GRM7: variants seen among roughly 807,000 people sequenced by gnomAD.
GRM7 encodes metabotropic glutamate receptor 7.
Under a neutral mutation model 84.5 loss-of-function variants are expected in GRM7, and 35 were observed. The ratio of observed to expected loss-of-function variants is 0.41; its 90% CI spans 0.32 to 0.55. GRM7 has a LOEUF of 0.55. Ranked by LOEUF, GRM7 falls within the 20% of genes least tolerant of loss-of-function variation. The probability of loss-of-function intolerance (pLI) is 0.19; values close to 1 mark genes in which losing one functional copy is unlikely to be tolerated. For missense variants in GRM7, 1,003 were observed against 1,194.6 expected (o/e 0.84, Z 2.36); for synonymous variants, 487 against 455.1 (o/e 1.07, Z -0.89).
intron 1 of GRM7, among the ~76,000 whole-genome samples, chr3:7,090,136 C>T (rs995449287): frequency 6.6e-6 from 1 of 152,000 alleles, no homozygotes; most frequent in African/African-American, 2.4e-5. Context: ...AGCCACCGTG[C>T]CCAGCCTTAA....
chr3:7,558,096 G>T (rs1020609848), intron 7 of GRM7, among the ~76,000 whole-genome samples: 1 of 141,270 alleles, frequency 7.1e-6, no homozygotes, highest in Admixed American at 6.8e-5. Context: ...TGTTTGCAAG[G>T]ATGTAAAGGA....
At chr3:7,409,640 G>A (rs142648326) in intron 4 of GRM7, among the ~76,000 whole-genome samples, 3,807 of 152,038 alleles carry the variant, frequency 0.025, 115 homozygotes, top group African/African-American at 0.07. Context: ...CCGCTCTGTC[G>A]CCCAGGCTGG....
intron 1 of GRM7, among the ~76,000 whole-genome samples, chr3:7,117,285 C>A (rs993204532): frequency 6.6e-6 from 1 of 152,168 alleles, no homozygotes; most frequent in Non-Finnish European, 1.5e-5. Context: ...TCAAGATACC[C>A]AATCTTTTTC....
chr3:7,336,123 A>G (rs1298818732), intron 4 of GRM7, among the ~76,000 whole-genome samples: 2 of 152,094 alleles, frequency 1.3e-5, no homozygotes, highest in African/African-American at 4.8e-5. Context: ...TCCCTGATGA[A>G]GATAGATGCA....
At chr3:7,032,153 C>G (rs143541593) in intron 1 of GRM7, among the ~76,000 whole-genome samples, 1 of 152,310 alleles carries the variant, frequency 6.6e-6, no homozygotes, top group East Asian at 1.9e-4. Flanking sequence ...GAACAACATG[C>G]TCTTATACTT....
chr3:6,962,767 A>G (rs1693351078), intron 1 of GRM7, among the ~76,000 whole-genome samples: 1 of 152,228 alleles, frequency 6.6e-6, no homozygotes, highest in African/African-American at 2.4e-5. Context: ...TGTGAATTTT[A>G]CCACCAAAGC....
rs1559520012 is a variant in GRM7, at chr3:7,238,997, C to CTTTTTTTTTTTTTTTTTTTTTTTTT, written c.737-59682_737-59681insTTTTTTTTTTTTTTTTTTTTTTTTT. On this transcript the variant is annotated intron_variant, in intron 2 of 9. Coordinates refer to ENST00000357716, the MANE Select transcript of GRM7 (RefSeq NM_000844.4). Reference sequence around the variant, plus strand: ...TCTTTTCCCTTTCTTTTCTTTTTTCCTTTTTCTTTTTTTTGACATGGTCTC... The same window carrying CTTTTTTTTTTTTTTTTTTTTTTTTT: ...TCTTTTCCCTTTCTTTTCTTTTTTCCTTTTTTTTTTTTTTTTTTTTTTTTTTTTTTCTTTTTTTTGACATGGTCTC... Among the ~76,000 whole-genome samples, 2 of 137,618 alleles carry CTTTTTTTTTTTTTTTTTTTTTTTTT rather than the reference C, an allele frequency of 1.5e-5. 1 individual carries two copies. Among genetic ancestry groups the CTTTTTTTTTTTTTTTTTTTTTTTTT allele is most frequent in the African/African-American group, 5.3e-5 (2 of 37,440 alleles). 90.3% of individuals were successfully genotyped at this position (137,618 alleles called of 152,430 possible). A position where few individuals can be genotyped will look rare whatever the true frequency, so the allele number is the denominator to read the frequency against.
chr3:7,595,709 G>A (rs542954642), intron 8 of GRM7, among the ~76,000 whole-genome samples: 1 of 152,152 alleles, frequency 6.6e-6, no homozygotes, highest in African/African-American at 2.4e-5. Context: ...GGTGGGGGTA[G>A]GGAAGAGTGC....
chr3:6,946,960 G>A (rs1181424715), intron 1 of GRM7, among the ~76,000 whole-genome samples: 7 of 152,116 alleles, frequency 4.6e-5, no homozygotes, highest in Admixed American at 6.6e-5. Context: ...GGGCTGAGAG[G>A]ATGGGGTTTT....
chr3:7,581,049 C>T (rs997127840), intron 8 of GRM7, among the ~76,000 whole-genome samples: 3 of 152,014 alleles, frequency 2.0e-5, no homozygotes, highest in Non-Finnish European at 4.4e-5. Context: ...AAACCTTTCC[C>T]GTAAGTTTAT....
At chr3:7,039,032 A>G (rs531719013) in intron 1 of GRM7, among the ~76,000 whole-genome samples, 5 of 152,326 alleles carry the variant, frequency 3.3e-5, no homozygotes, top group Non-Finnish European at 7.4e-5. Flanking sequence ...CTATGGTTCA[A>G]TAAGTTCTTC....
rs1019051534 is a variant in GRM7, at chr3:7,151,924, T to C, written c.736+5256T>C. On this transcript the variant is annotated intron_variant, in intron 2 of 9. Transcript: ENST00000357716. This position sits in a 1 kb window ranked among gnomAD's most constrained non-coding sequence, Gnocchi z 4.5. ...TCTATATTGAATTCTGTTTTTTTTT[T>C]CTTTCTGTCTATGTCATGGTGATTA... Among the ~76,000 whole-genome samples, 3 of 150,568 alleles carry C rather than the reference T, an allele frequency of 2.0e-5. No individual in the cohort carries two copies. Among genetic ancestry groups the C allele is most frequent in the African/African-American group, 7.4e-5 (3 of 40,476 alleles).
chr3:7,048,604 T>C (rs1403683629), intron 1 of GRM7, among the ~76,000 whole-genome samples: 9 of 151,980 alleles, frequency 5.9e-5, no homozygotes, highest in Non-Finnish European at 1.5e-5. Flanking sequence ...TTATTTTTAA[T>C]TGACAAGAAT....
At chr3:6,914,673 T>G (rs1696883340) in intron 1 of GRM7, among the ~76,000 whole-genome samples, 2 of 150,962 alleles carry the variant, frequency 1.3e-5, no homozygotes, top group African/African-American at 2.5e-5. Context: ...AGTACTGAGA[T>G]TACAGGTGTG....
At chr3:7,665,312 C>CA (rs1433206808) in intron 8 of GRM7, among the ~76,000 whole-genome samples, 1 of 151,796 alleles carries the variant, frequency 6.6e-6, no homozygotes, top group Admixed American at 6.6e-5. Flanking sequence ...GCTGGGACTA[C>CA]AGGTGCCCGC....
intron 8 of GRM7, among the ~76,000 whole-genome samples, chr3:7,656,485 G>GACTC (rs1404883673): frequency 2.6e-4 from 38 of 148,112 alleles, no homozygotes; most frequent in Middle Eastern, 3.5e-3. Context: ...GACAGAGCAA[G>GACTC]ACTCTGTCTC....
At chr3:7,535,948 A>C (rs948157703) in intron 7 of GRM7, among the ~76,000 whole-genome samples, 3 of 152,176 alleles carry the variant, frequency 2.0e-5, no homozygotes, top group African/African-American at 7.2e-5. Flanking sequence ...GTGGGAAGTA[A>C]CTTCAAAACA....
chr3:7,039,155 CTCAAACAACCTAGCTGAGCTTGCTGTT>C (rs1574822578), intron 1 of GRM7, among the ~76,000 whole-genome samples: 1 of 152,138 alleles, frequency 6.6e-6, no homozygotes, highest in East Asian at 1.9e-4. Context: ...AGAAAATGAT[CTCAAACAACCTAGCTGAGCTTGCTGTT>C]TCTTACAAGC....
chr3:6,897,902 GTGGGGGCC>G (rs1559315362), intron 1 of GRM7, among the ~76,000 whole-genome samples: 1 of 152,150 alleles, frequency 6.6e-6, no homozygotes, highest in African/African-American at 2.4e-5. Context: ...CTGCTGGAGA[GTGGGGGCC>G]TCCCCATAGA....
Sources: gnomAD v4.1 joint callset for allele counts (sites outside exome capture counted in the v4.1 genomes callset) on GRCh38, gnomAD v4.1.1 for gene constraint, Gnocchi (gnomAD v3.1) non-coding constraint, MANE v1.5 for transcripts, NCBI Gene and HGNC (gene_info 2026-07-23, HGNC 2026-07-21) for gene names.